Variants in SSBP2 observed in about 807,000 individuals in gnomAD.
The protein encoded by SSBP2 is single-stranded DNA-binding protein 2.
A neutral mutation model predicts 61.8 loss-of-function variants in SSBP2; 17 were observed. The ratio of observed to expected loss-of-function variants is 0.28; its 90% confidence interval spans 0.19 to 0.41. SSBP2 has a LOEUF of 0.41. Ranked by LOEUF, SSBP2 falls within the 10% of genes least tolerant of loss-of-function variation. The pLI is 1.00. For missense variants in SSBP2, 310 were observed against 458.7 expected, an observed-to-expected ratio of 0.68 and a Z score of 2.96; for synonymous variants, 139 against 141.3, an observed-to-expected ratio of 0.98 and a Z score of 0.12.
chr5:81,675,484 A>G (rs1176354526), intron 1 of SSBP2, among the ~76,000 whole-genome samples: 1 of 152,178 alleles, frequency 6.6e-6, no homozygotes, highest in Non-Finnish European at 1.5e-5. Flanking sequence ...AGGGATGCCA[A>G]AATAAAACGG....
intron 3 of SSBP2, among the ~76,000 whole-genome samples, chr5:81,619,546 T>C (rs1746351105): frequency 6.8e-6 from 1 of 147,910 alleles, no homozygotes; most frequent in Non-Finnish European, 1.5e-5. Context: ...CTGGTACCAT[T>C]CCTTCTGAAA....
intron 3 of SSBP2, among the ~76,000 whole-genome samples, chr5:81,627,895 G>A (rs915662370): frequency 2.0e-5 from 3 of 151,906 alleles, no homozygotes; most frequent in African/African-American, 4.8e-5. Flanking sequence ...AAACCTCATC[G>A]CTACAAAAAA....
chr5:81,744,876 C>G (rs1757253147), intron 1 of SSBP2, among the ~76,000 whole-genome samples: 1 of 151,710 alleles, frequency 6.6e-6, no homozygotes. Flanking sequence ...TTTGTCATTT[C>G]TAAAGAAATG....
In SSBP2 at chr5:81,577,637, C is replaced by T. The variant is rs142824287; in HGVS notation, c.282+37836G>A. On this transcript the variant is annotated intron_variant, in intron 4 of 16. Coordinates refer to ENST00000320672, the MANE Select transcript of SSBP2 (RefSeq NM_012446.5). ...GGAAAGCAGAAGCACAAAATTAGAA[C>T]GAAAGCAAGGTCATTTGTCCTGAAA... is the stretch of plus-strand genomic sequence containing the variant. 2.4e-4 allele frequency among the ~76,000 whole-genome samples: 36 copies of T among 151,878 alleles called. No homozygotes were observed. In the East Asian group the frequency reaches 5.2e-3, roughly 22 times the overall value.
At chr5:81,514,569 C>T (rs538064085) in intron 4 of SSBP2, among the ~76,000 whole-genome samples, 5 of 151,942 alleles carry the variant, frequency 3.3e-5, no homozygotes, top group East Asian at 1.9e-4. Flanking sequence ...TAAAAACAGT[C>T]GAGAAGGGAT....
At chr5:81,608,875 GAC>G (rs1159499916) in intron 4 of SSBP2, among the ~76,000 whole-genome samples, 1 of 152,158 alleles carries the variant, frequency 6.6e-6, no homozygotes, top group African/African-American at 2.4e-5. Flanking sequence ...CAGAGGAAAA[GAC>G]AGTGTTCAGG....
chr5:81,536,767 A>T (rs1392417410), intron 4 of SSBP2, among the ~76,000 whole-genome samples: 1 of 152,182 alleles, frequency 6.6e-6, no homozygotes, highest in Non-Finnish European at 1.5e-5. Context: ...ATATCTTAAA[A>T]ATATTGTACT....
chr5:81,493,310 G>C (rs945353216), intron 5 of SSBP2, among the ~76,000 whole-genome samples: 2 of 146,188 alleles, frequency 1.4e-5, no homozygotes, highest in Non-Finnish European at 3.0e-5. Flanking sequence ...AGATTAACAG[G>C]GTCTTGCTCC....
chr5:81,495,875 A>G (rs1483511475), intron 5 of SSBP2, among the ~76,000 whole-genome samples: 1 of 152,148 alleles, frequency 6.6e-6, no homozygotes, highest in Admixed American at 6.5e-5. Context: ...AGAAAATTAA[A>G]AATCATTAAA....
chr5:81,697,027 C>A (rs2153863802), intron 1 of SSBP2, among the ~76,000 whole-genome samples: 1 of 152,232 alleles, frequency 6.6e-6, no homozygotes, highest in Non-Finnish European at 1.5e-5. Context: ...GAATACAGGG[C>A]ATTTCAGAGA....
intron 4 of SSBP2, among the ~76,000 whole-genome samples, chr5:81,605,685 C>T (rs1003117821): frequency 2.6e-5 from 4 of 151,916 alleles, no homozygotes; most frequent in Non-Finnish European, 5.9e-5. Context: ...TTTAACACTT[C>T]AAAAATTAAG....
rs1761256228 is a variant in SSBP2, at chr5:81,415,153, A to T, written c.*5351T>A. On this transcript the variant is annotated 3_prime_UTR_variant, in exon 17 of 17. Coordinates refer to ENST00000320672, the MANE Select transcript of SSBP2 (RefSeq NM_012446.5). ...TTATTCCACCAGGAGGGAAAAACAG[A>T]AAGAAGATTCAACTACTTTTGGCAA... is the stretch of plus-strand genomic sequence containing the variant. 1 of 152,224 alleles carries T rather than the reference A, an allele frequency of 6.6e-6. No homozygotes were observed. The highest frequency in any genetic ancestry group is 6.5e-5 in the Admixed American group (1 of 15,288). The allele number at this position is 152,224 out of a possible 1,614,324, so 9.4% of individuals were successfully genotyped here.
intron 1 of SSBP2, among the ~76,000 whole-genome samples, chr5:81,665,318 A>G (rs1000441558): frequency 9.2e-5 from 14 of 152,170 alleles, no homozygotes; most frequent in Admixed American, 6.5e-5. Flanking sequence ...TGGAAGGGGT[A>G]TTTTAGAAAG....
chr5:81,573,742 A>G (rs1773995921), intron 4 of SSBP2, among the ~76,000 whole-genome samples: 1 of 152,224 alleles, frequency 6.6e-6, no homozygotes, highest in East Asian at 1.9e-4. Context: ...CAGGGATATA[A>G]GAAAATAATA....
chr5:81,658,462 T>C (rs1396789582), intron 1 of SSBP2, among the ~76,000 whole-genome samples: 1 of 152,240 alleles, frequency 6.6e-6, no homozygotes, highest in Non-Finnish European at 1.5e-5. Context: ...ACACATAACC[T>C]GCACACATTC....
At chr5:81,657,797 C>A (rs1304572272) in intron 1 of SSBP2, among the ~76,000 whole-genome samples, 2 of 152,112 alleles carry the variant, frequency 1.3e-5, no homozygotes, top group African/African-American at 2.4e-5. Context: ...TCTGCAAATT[C>A]TTTTCCTAGT....
intron 5 of SSBP2, among the ~76,000 whole-genome samples, chr5:81,504,012 T>C (rs1316856996): frequency 6.6e-6 from 1 of 151,748 alleles, no homozygotes; most frequent in African/African-American, 2.4e-5. Context: ...AGGAAAAAGA[T>C]CAGAAAAAAA....
rs116690713 is a variant in SSBP2, at chr5:81,625,397, G to A, written c.198-9840C>T. ...ATGCTGGTGACTAAGGAGCTTCTCA[G>A]TTCCTCTAATCCTACAACTATTAAA... On this transcript the variant is annotated intron_variant, in intron 3 of 16. Coordinates refer to ENST00000320672, the MANE Select transcript of SSBP2 (RefSeq NM_012446.5). Among the ~76,000 whole-genome samples, 1,037 of 152,156 alleles carry A rather than the reference G, an allele frequency of 6.8e-3. 12 individuals carry two copies. Among genetic ancestry groups the A allele is most frequent in the African/African-American group, 0.024 (1,006 of 41,512 alleles).
At chr5:81,665,255 T>C (rs537548219) in intron 1 of SSBP2, among the ~76,000 whole-genome samples, 1 of 152,264 alleles carries the variant, frequency 6.6e-6, no homozygotes, top group East Asian at 1.9e-4. Flanking sequence ...GGTTTGTAGT[T>C]TTCCTTGTAA....
Sources: allele counts gnomAD v4.1 joint callset (sites outside exome capture counted in the v4.1 genomes callset), GRCh38; gene constraint gnomAD v4.1.1; transcripts MANE v1.5; gene names NCBI Gene and HGNC (gene_info 2026-07-23, HGNC 2026-07-21).